The following CD9 variants were observed in gnomAD, a reference collection of about 807,000 sequenced individuals.
CD9 encodes CD9 antigen.
Under a neutral mutation model 31.4 loss-of-function variants are expected in CD9, and 10 were observed. The ratio of observed to expected loss-of-function variants is 0.32; its 90% CI spans 0.20 to 0.54. CD9 has a LOEUF of 0.54. CD9 is among the 20% of genes least tolerant of loss of function. The probability of loss-of-function intolerance (pLI) is 0.94; values close to 1 mark genes in which losing one functional copy is unlikely to be tolerated. For missense variants in CD9, 259 were observed against 300.1 expected, an observed-to-expected ratio of 0.86 and a Z score of 1.01; for synonymous variants, 113 against 114.1, an observed-to-expected ratio of 0.99 and a Z score of 0.06.
intron 1 of CD9, among the ~76,000 whole-genome samples, chr12:6,213,853 C>T (rs1022544295): frequency 6.6e-6 from 1 of 152,150 alleles, no homozygotes; most frequent in African/African-American, 2.4e-5. Flanking sequence ...TCCCTCTTGG[C>T]CCCCACCAGG....
At chr12:6,210,211 TG>T (rs1946179856) in intron 1 of CD9, among the ~76,000 whole-genome samples, 2 of 152,176 alleles carry the variant, frequency 1.3e-5, no homozygotes, top group African/African-American at 4.8e-5. Context: ...GGTCCCACTC[TG>T]GGGCTGTTTT....
At position 6,233,739 on chromosome 12, in the gene CD9, G is replaced by T. The variant is rs542158726; in HGVS notation, c.348+253G>T. On this transcript the variant is annotated intron_variant, in intron 4 of 7. Transcript: ENST00000009180. ...TAGATGTTCAGAAACTACCCATTGGGCCTGTGCGTGTGTCTGTCTGTCCAT... is the reference window on the plus strand; with the variant it reads ...TAGATGTTCAGAAACTACCCATTGGTCCTGTGCGTGTGTCTGTCTGTCCAT... Among the ~76,000 whole-genome samples the T allele has an allele frequency of 8.5e-4, 130 of 152,120 alleles. 1 individual carries two copies. Among genetic ancestry groups the T allele is most frequent in the Non-Finnish European group, 1.4e-3 (97 of 68,000 alleles).
intron 1 of CD9, among the ~76,000 whole-genome samples, chr12:6,209,081 G>A (rs939972035): frequency 3.3e-5 from 5 of 151,960 alleles, no homozygotes; most frequent in East Asian, 1.9e-4. Flanking sequence ...TGATTCTCCC[G>A]CCTCAGCCTC....
chr12:6,220,799 C>T (rs1471617474), intron 1 of CD9, among the ~76,000 whole-genome samples: 2 of 152,196 alleles, frequency 1.3e-5, no homozygotes, highest in Non-Finnish European at 2.9e-5. Flanking sequence ...ATCCTCCTCC[C>T]CAGTTTCCCC....
chr12:6,229,612 A>G lies in CD9; in HGVS notation c.176-3020A>G, dbSNP rs370412660. ...TTTGGATATAATAAACTTTTATTGC[A>G]GGCCAGAGGCCCTACCGGATTTTGT... On this transcript the variant is annotated intron_variant, in intron 2 of 7. Transcript: ENST00000009180. 5.3e-5 allele frequency among the ~76,000 whole-genome samples: 8 copies of G among 152,174 alleles called. No homozygotes were observed. The East Asian group carries it at 5.8e-4, about 11-fold the overall frequency.
At chr12:6,237,706 C>A in intron 7 of CD9, 57 bp from the exon 8 acceptor site, 1 of 1,351,708 alleles carries the variant, frequency 7.4e-7, no homozygotes, top group Non-Finnish European at 1.1e-6. Context: ...CTCCCTTTCC[C>A]TCAGCCTTCC....
At chr12:6,207,124 C>T (rs1946141401) in intron 1 of CD9, among the ~76,000 whole-genome samples, 1 of 152,144 alleles carries the variant, frequency 6.6e-6, no homozygotes, top group Non-Finnish European at 1.5e-5. Flanking sequence ...TCAAGCAGTC[C>T]TTCAGCCTCG....
At position 6,233,051 on chromosome 12, in the gene CD9, T is replaced by C. The variant is rs1390339579; in HGVS notation, c.273+322T>C. The C allele has an allele frequency of 1.0e-5, 7 of 702,286 alleles. No homozygotes were observed. In the African/African-American group the frequency reaches 1.2e-4, roughly 12 times the overall value. The allele number at this position is 702,286 out of a possible 1,614,324, so 43.5% of individuals were successfully genotyped here. A position where few individuals can be genotyped will look rare whatever the true frequency, so the allele number is the denominator to read the frequency against. Reference sequence around the variant, plus strand: ...TTGTTTCAAAATCTGTTTTGGTCTTTTCCGAACTCCACGGAGTGGATTCGC... The same window carrying C: ...TTGTTTCAAAATCTGTTTTGGTCTTCTCCGAACTCCACGGAGTGGATTCGC... On this transcript the variant is annotated intron_variant, in intron 3 of 7. Transcript: ENST00000009180.
At chr12:6,201,077 C>CT (rs1157954726) in intron 1 of CD9, 1 of 152,624 alleles carries the variant, frequency 6.6e-6, no homozygotes, top group Non-Finnish European at 1.5e-5. Flanking sequence ...GCGGCTCTCA[C>CT]TTTTACGCAG....
In CD9 at chr12:6,225,563, C is replaced by T. The variant is rs150489564; in HGVS notation, c.175+29C>T. 2.1e-4 allele frequency: 300 copies of T among 1,401,570 alleles called. 2 individuals are homozygous for T. The East Asian group carries it at 6.8e-3, about 32-fold the overall frequency. 86.8% of individuals were successfully genotyped at this position (1,401,570 alleles called of 1,614,324 possible). A position where few individuals can be genotyped will look rare whatever the true frequency, so the allele number is the denominator to read the frequency against. ...AGGGACGGGGAAGGCTCAGTGAATTCAGACCCTGGCTCCAACAAAGTTCCT... is the reference window on the plus strand; with the variant it reads ...AGGGACGGGGAAGGCTCAGTGAATTTAGACCCTGGCTCCAACAAAGTTCCT... On this transcript the variant is annotated intron_variant, in intron 2 of 7. Coordinates refer to ENST00000009180, the MANE Select transcript of CD9 (RefSeq NM_001769.4).
intron 1 of CD9, among the ~76,000 whole-genome samples, chr12:6,224,450 A>G (rs1035955022): frequency 1.1e-4 from 16 of 152,090 alleles, no homozygotes; most frequent in Non-Finnish European, 2.1e-4. Context: ...CAACATGCCC[A>G]CACTCACTGC....
chr12:6,235,286 G>A lies in CD9; in HGVS notation c.406G>A (p.Asp136Asn). 6.2e-7 allele frequency: 1 copy of A among 1,613,904 alleles called. No homozygotes were observed. The highest frequency in any genetic ancestry group is 2.2e-5 in the East Asian group (1 of 44,876). Reference protein sequence around the residue: ...KDTYNKLKTKDEPQRETLKAI... With the variant: ...KDTYNKLKTKNEPQRETLKAI... ...CACCTACAACAAGCTGAAAACCAAGGATGAGCCCCAGCGGGAAACGCTGAA... is the reference window on the plus strand; with the variant it reads ...CACCTACAACAAGCTGAAAACCAAGAATGAGCCCCAGCGGGAAACGCTGAA... The change falls in exon 5 of 8, where the codon GAT (aspartate) becomes AAT (asparagine). Residue 136 changes from aspartate (D) to asparagine (N), a missense_variant. Transcript: ENST00000009180.
At chr12:6,225,843 T>C in intron 2 of CD9, 1 of 319,578 alleles carries the variant, frequency 3.1e-6, no homozygotes, top group Non-Finnish European at 5.8e-6. Context: ...TGTTCTCATC[T>C]CTGATGCTCT....
chr12:6,235,151 G>A, intron 4 of CD9, 78 bp from the exon 5 acceptor site: 1 of 1,057,462 alleles, frequency 9.5e-7, no homozygotes, highest in Non-Finnish European at 1.4e-6. Flanking sequence ...GAGAGAACAA[G>A]ATGGAACGCA....
At chr12:6,214,110 C>T (rs1214342126) in intron 1 of CD9, among the ~76,000 whole-genome samples, 2 of 152,164 alleles carry the variant, frequency 1.3e-5, no homozygotes, top group African/African-American at 4.8e-5. Flanking sequence ...CTGGTTCCAT[C>T]TGAGCTCTGC....
At position 6,232,607 on chromosome 12, in the gene CD9, G is replaced by T. The variant is rs1275135800; in HGVS notation, c.176-25G>T. ...CCTCTGAACTGATGTCTCCACGCGTGTGTGCTTCCTCTGTCCTCCCGCAGG... is the reference window on the plus strand; with the variant it reads ...CCTCTGAACTGATGTCTCCACGCGTTTGTGCTTCCTCTGTCCTCCCGCAGG... On this transcript the variant is annotated intron_variant, in intron 2 of 7. Transcript: ENST00000009180. This position sits in a 1 kb window ranked among gnomAD's most constrained non-coding sequence, Gnocchi z 4.8. 2.7e-6 allele frequency: 4 copies of T among 1,463,338 alleles called. No homozygotes were observed. Among genetic ancestry groups the T allele is most frequent in the Non-Finnish European group, 3.7e-6 (4 of 1,069,884 alleles). 90.6% of individuals were successfully genotyped at this position (1,463,338 alleles called of 1,614,324 possible).
At chr12:6,217,644 C>T (rs571450008) in intron 1 of CD9, among the ~76,000 whole-genome samples, 64 of 152,286 alleles carry the variant, frequency 4.2e-4, no homozygotes, top group Non-Finnish European at 8.1e-4. Context: ...AGCCACCTGT[C>T]CCTTGTTGAA....
chr12:6,228,994 A>T (rs1946406179), intron 2 of CD9, among the ~76,000 whole-genome samples: 1 of 152,204 alleles, frequency 6.6e-6, no homozygotes, highest in South Asian at 2.1e-4. Context: ...AGCAAGTGAA[A>T]ACCTTTCCAA....
chr12:6,219,946 A>G (rs1473935860), intron 1 of CD9, among the ~76,000 whole-genome samples: 4 of 152,210 alleles, frequency 2.6e-5, no homozygotes, highest in Non-Finnish European at 4.4e-5. Context: ...TGGAGTAATT[A>G]CTTACTAATG....
Sources: allele counts gnomAD v4.1 joint callset (sites outside exome capture counted in the v4.1 genomes callset), GRCh38; gene constraint gnomAD v4.1.1; non-coding constraint Gnocchi (gnomAD v3.1); transcripts MANE v1.5; gene names NCBI Gene and HGNC (gene_info 2026-07-23, HGNC 2026-07-21).